MAL2: variants seen among roughly 807,000 people sequenced by gnomAD.
MAL2 encodes the protein protein MAL2.
A neutral mutation model predicts 18.1 loss-of-function variants in MAL2; 17 were observed. That is an observed-to-expected ratio of 0.94 (90% CI 0.64 to 1.41). MAL2 has a LOEUF of 1.41. Among genes scored for constraint, MAL2 ranks in the 40% most tolerant of loss-of-function variants. The pLI is 0.00. For missense variants in MAL2, 222 were observed against 231.9 expected, an observed-to-expected ratio of 0.96 and a Z score of 0.28; for synonymous variants, 102 against 102.3, an observed-to-expected ratio of 1.00 and a Z score of 0.02.
At position 119,245,074 on chromosome 8, in the gene MAL2, C is replaced by G. The variant is rs1020877808; in HGVS notation, c.*1586C>G. On this transcript the variant is annotated 3_prime_UTR_variant, in exon 4 of 4. Coordinates refer to ENST00000614891, the MANE Select transcript of MAL2 (RefSeq NM_052886.3). Reference sequence around the variant, plus strand: ...TATCTAATAATCCTCTAGAAAGAACCCTGTTAGATCTTGGTTTGTGATAAA... The same window carrying G: ...TATCTAATAATCCTCTAGAAAGAACGCTGTTAGATCTTGGTTTGTGATAAA... 1 of 152,432 alleles carries G rather than the reference C, an allele frequency of 6.6e-6. No individual in the cohort carries two copies. The highest frequency in any genetic ancestry group is 1.5e-5 in the Non-Finnish European group (1 of 68,000). The allele number at this position is 152,432 out of a possible 1,614,324, so 9.4% of individuals were successfully genotyped here.
chr8:119,226,773 T>C (rs1394693523), intron 2 of MAL2, among the ~76,000 whole-genome samples: 1 of 152,184 alleles, frequency 6.6e-6, no homozygotes, highest in African/African-American at 2.4e-5. Flanking sequence ...AAATGGACAT[T>C]ATCAGGTTCC....
At chr8:119,237,757 C>CT (rs1199471126) in intron 2 of MAL2, among the ~76,000 whole-genome samples, 1 of 151,702 alleles carries the variant, frequency 6.6e-6, no homozygotes, top group Admixed American at 6.5e-5. Flanking sequence ...GCTAAAAACT[C>CT]TCAAGAAATT....
intron 2 of MAL2, among the ~76,000 whole-genome samples, chr8:119,228,454 C>T (rs951994950): frequency 6.0e-5 from 9 of 151,050 alleles, no homozygotes; most frequent in African/African-American, 2.2e-4. Flanking sequence ...GACACAATAA[C>T]ATGTAGGAAG....
intron 3 of MAL2, among the ~76,000 whole-genome samples, chr8:119,241,035 A>G (rs949889683): frequency 2.0e-5 from 3 of 152,216 alleles, no homozygotes; most frequent in Non-Finnish European, 2.9e-5. Flanking sequence ...GATATTTAAT[A>G]TAAGTATATG....
chr8:119,235,372 C>G (rs1817859170), intron 2 of MAL2, among the ~76,000 whole-genome samples: 2 of 152,088 alleles, frequency 1.3e-5, no homozygotes, highest in Admixed American at 6.6e-5. Context: ...TTGGAAAACA[C>G]TACAGGATAT....
At chr8:119,227,717 A>T (rs1012987230) in intron 2 of MAL2, among the ~76,000 whole-genome samples, 1 of 152,184 alleles carries the variant, frequency 6.6e-6, no homozygotes, top group Non-Finnish European at 1.5e-5. Context: ...CCATTTCTCC[A>T]TATACATCTG....
In MAL2 at chr8:119,243,587, A is replaced by G. The variant is rs1818093964; in HGVS notation, c.*99A>G. On this transcript the variant is annotated 3_prime_UTR_variant, in exon 4 of 4. Transcript: ENST00000614891. ...TTTTGTCCAGATGCAAAAACATTCCAAAAGTAATGTGTTTAGTAGAGAGAG... is the reference window on the plus strand; with the variant it reads ...TTTTGTCCAGATGCAAAAACATTCCGAAAGTAATGTGTTTAGTAGAGAGAG... The G allele has an allele frequency of 9.7e-7, 1 of 1,034,676 alleles. No individual in the cohort carries two copies. Among genetic ancestry groups the G allele is most frequent in the Non-Finnish European group, 1.4e-6 (1 of 730,912 alleles). 64.1% of individuals were successfully genotyped at this position (1,034,676 alleles called of 1,614,324 possible). A position where few individuals can be genotyped will look rare whatever the true frequency, so the allele number is the denominator to read the frequency against.
intron 2 of MAL2, chr8:119,223,495 C>CTGA (rs1401160405): frequency 3.3e-5 from 5 of 152,140 alleles, no homozygotes; most frequent in Non-Finnish European, 7.4e-5. Context: ...AGCATTATAT[C>CTGA]TGATGTTCAG....
intron 3 of MAL2, among the ~76,000 whole-genome samples, chr8:119,241,111 A>G (rs1427602665): frequency 1.3e-5 from 2 of 152,162 alleles, no homozygotes; most frequent in Non-Finnish European, 2.9e-5. Flanking sequence ...CAGTACTCAT[A>G]TAGTCATTGA....
chr8:119,209,629 C>A (rs913786156), intron 1 of MAL2, among the ~76,000 whole-genome samples: 2 of 152,182 alleles, frequency 1.3e-5, no homozygotes, highest in African/African-American at 4.8e-5. Flanking sequence ...CTCACCCTGG[C>A]CTTTGAGCTT....
At chr8:119,219,789 TAC>T (rs1406069457) in intron 1 of MAL2, among the ~76,000 whole-genome samples, 1 of 152,144 alleles carries the variant, frequency 6.6e-6, no homozygotes, top group African/African-American at 2.4e-5. Context: ...GGGATTTAAT[TAC>T]AGTGTATCTC....
At chr8:119,239,803 G>A (rs927071617) in intron 2 of MAL2, among the ~76,000 whole-genome samples, 1 of 151,940 alleles carries the variant, frequency 6.6e-6, no homozygotes, top group Non-Finnish European at 1.5e-5. Flanking sequence ...TATACCTAAT[G>A]CTAAATGATG....
At chr8:119,223,212 G>A (rs1250121414) in intron 2 of MAL2, 1 of 152,204 alleles carries the variant, frequency 6.6e-6, no homozygotes, top group Non-Finnish European at 1.5e-5. Context: ...TGTAGGGAAT[G>A]TGGCTGGCCT....
At position 119,243,953 on chromosome 8, in the gene MAL2, G is replaced by A. The variant is rs1818101650; in HGVS notation, c.*465G>A. On this transcript the variant is annotated 3_prime_UTR_variant, in exon 4 of 4. Coordinates refer to ENST00000614891, the MANE Select transcript of MAL2 (RefSeq NM_052886.3). ...CACTTTTTTTAGAATGGGCCAGATGGTAAATATTTATGCTTCACGGTCCAT... is the reference window on the plus strand; with the variant it reads ...CACTTTTTTTAGAATGGGCCAGATGATAAATATTTATGCTTCACGGTCCAT... 1 of 152,660 alleles carries A rather than the reference G, an allele frequency of 6.6e-6. No individual in the cohort carries two copies. Among genetic ancestry groups the A allele is most frequent in the South Asian group, 2.1e-4 (1 of 4,848 alleles). The allele number at this position is 152,660 out of a possible 1,614,324, so 9.5% of individuals were successfully genotyped here. A position where few individuals can be genotyped will look rare whatever the true frequency, so the allele number is the denominator to read the frequency against.
intron 3 of MAL2, among the ~76,000 whole-genome samples, chr8:119,240,971 G>A (rs1362191442): frequency 1.3e-5 from 2 of 152,080 alleles, no homozygotes; most frequent in African/African-American, 2.4e-5. Context: ...TATTTTTGTT[G>A]TTAGAGATCA....
In MAL2 at chr8:119,210,981, C is replaced by T. The variant is rs951039829; in HGVS notation, c.132+2377C>T. Among the ~76,000 whole-genome samples, 6 of 152,144 alleles carry T rather than the reference C, an allele frequency of 3.9e-5. No individual in the cohort carries two copies. The South Asian group carries it at 6.2e-4, about 16-fold the overall frequency. ...ACACTAGAGTCAAACTATAGCTCCT[C>T]GGCTCTCATCCTTTAGGACTGTTTA... On this transcript the variant is annotated intron_variant, in intron 1 of 3. Transcript: ENST00000614891.
At position 119,233,238 on chromosome 8, in the gene MAL2, C is replaced by T. The variant is rs1284795616; in HGVS notation, c.304-6927C>T. ...GAAAGCAGGAAAGATCCAAAATTGA[C>T]ACCCTAACATCACAATTAAAAGAAC... On this transcript the variant is annotated intron_variant, in intron 2 of 3. Coordinates refer to ENST00000614891, the MANE Select transcript of MAL2 (RefSeq NM_052886.3). 7.2e-5 allele frequency among the ~76,000 whole-genome samples: 11 copies of T among 152,262 alleles called. No individual in the cohort carries two copies. The East Asian group carries it at 1.5e-3, about 21-fold the overall frequency.
At chr8:119,231,659 T>C (rs1250054977) in intron 2 of MAL2, among the ~76,000 whole-genome samples, 3 of 152,192 alleles carry the variant, frequency 2.0e-5, no homozygotes, top group Non-Finnish European at 4.4e-5. Flanking sequence ...TACACCATTA[T>C]TCAAAACGCC....
In MAL2 at chr8:119,231,999, G is replaced by A. The variant is rs1029447932; in HGVS notation, c.304-8166G>A. 8.5e-5 allele frequency among the ~76,000 whole-genome samples: 13 copies of A among 152,072 alleles called. No individual in the cohort carries two copies. The South Asian group carries it at 2.7e-3, about 32-fold the overall frequency. ...GTTCAAGAGATCTATTGTACAGCATGGCAACTATAGTTAATAACAGTGTAT... is the reference window on the plus strand; with the variant it reads ...GTTCAAGAGATCTATTGTACAGCATAGCAACTATAGTTAATAACAGTGTAT... On this transcript the variant is annotated intron_variant, in intron 2 of 3. Transcript: ENST00000614891.
Sources: gnomAD v4.1 joint callset for allele counts (sites outside exome capture counted in the v4.1 genomes callset) on GRCh38, gnomAD v4.1.1 for gene constraint, MANE v1.5 for transcripts, NCBI Gene and HGNC (gene_info 2026-07-23, HGNC 2026-07-21) for gene names.